The following MCM10 variants were observed in gnomAD, a reference collection of about 807,000 sequenced individuals.
MCM10 encodes the protein minichromosome maintenance 10 replication initiation factor, also known as protein MCM10 homolog.
A neutral mutation model predicts 109.9 loss-of-function variants in MCM10; 91 were observed. The ratio of observed to expected loss-of-function variants is 0.83; its 90% CI spans 0.70 to 0.99. The LOEUF (loss-of-function observed/expected upper bound fraction) is 0.99. Ranked by LOEUF, MCM10 falls within the 50% of genes least tolerant of loss-of-function variation. MCM10 has a pLI of 0.00. For synonymous variants in MCM10, 380 were observed against 387.2 expected (o/e 0.98, Z 0.22); for missense variants, 1,077 against 1,061.2 (o/e 1.01, Z -0.21).
At chr10:13,177,019 T>C (rs745617964) in intron 6 of MCM10, among the ~76,000 whole-genome samples, 10 of 152,210 alleles carry the variant, frequency 6.6e-5, no homozygotes, top group Non-Finnish European at 8.8e-5. Context: ...TGGTTCTCAT[T>C]GAGGGGGCTG....
In MCM10 at chr10:13,210,947, C is replaced by T. The variant is rs552356184; in HGVS notation, c.*1637C>T. 3 of 152,214 alleles carry T rather than the reference C, an allele frequency of 2.0e-5. No individual in the cohort carries two copies. The South Asian group carries it at 6.2e-4, about 32-fold the overall frequency. The allele number at this position is 152,214 out of a possible 1,614,324, so 9.4% of individuals were successfully genotyped here. On this transcript the variant is annotated 3_prime_UTR_variant, in exon 20 of 20. Coordinates refer to ENST00000378714, the MANE Select transcript of MCM10 (RefSeq NM_018518.5). Reference sequence around the variant, plus strand: ...AGCAATCCCTTTCTTATGGGAAAAACAATGTTCTTGTTTGAACAGAGGGTA... The same window carrying T: ...AGCAATCCCTTTCTTATGGGAAAAATAATGTTCTTGTTTGAACAGAGGGTA...
intron 1 of MCM10, among the ~76,000 whole-genome samples, chr10:13,162,194 G>A (rs1194053518): frequency 2.6e-5 from 4 of 152,304 alleles, no homozygotes; most frequent in East Asian, 1.9e-4. Context: ...GAAGCGGGCT[G>A]GCCCGGCTGG....
Position 13,183,111 on chromosome 10 carries a change from G to C in MCM10, c.1098+11G>C. ...GATGGTTCAGAGGAGGTAAGAGCCT[G>C]TTTCTGGGATTTGATTGATGATTGT... On this transcript the variant is annotated intron_variant, in intron 8 of 19. Coordinates refer to ENST00000378714, the MANE Select transcript of MCM10 (RefSeq NM_018518.5). 1 of 1,603,488 alleles carries C rather than the reference G, an allele frequency of 6.2e-7. No individual in the cohort carries two copies. Among genetic ancestry groups the C allele is most frequent in the East Asian group, 2.2e-5 (1 of 44,776 alleles).
Position 13,172,311 on chromosome 10 carries a change from C to T in MCM10, c.350-65C>T. On this transcript the variant is annotated intron_variant, in intron 3 of 19. Transcript: ENST00000378714. The surrounding 1 kb of genome is among the most constrained non-coding windows in gnomAD (Gnocchi z 5.2). ...GAGTGGACAACAAAAATATTGCCCG[C>T]ATTTTTGTCATGTAGAACGTTTTCT... 2 of 1,238,398 alleles carry T rather than the reference C, an allele frequency of 1.6e-6. No individual in the cohort carries two copies. The highest frequency in any genetic ancestry group is 2.5e-5 in the South Asian group (2 of 79,650). 76.7% of individuals were successfully genotyped at this position (1,238,398 alleles called of 1,614,324 possible).
chr10:13,161,789 CG>C (rs1411034749), intron 1 of MCM10, among the ~76,000 whole-genome samples, 183 bp downstream of exon 1: 2 of 152,290 alleles, frequency 1.3e-5, no homozygotes, highest in East Asian at 3.9e-4. Flanking sequence ...ATGGCCGGGC[CG>C]GGGGCTGGGA....
chr10:13,181,055 A>G (rs1834203439), intron 7 of MCM10, among the ~76,000 whole-genome samples: 1 of 152,230 alleles, frequency 6.6e-6, no homozygotes, highest in South Asian at 2.1e-4. Context: ...GATGGTTATT[A>G]CCAAAGATCT....
intron 6 of MCM10, among the ~76,000 whole-genome samples, chr10:13,179,980 G>A (rs371151728): frequency 9.9e-5 from 15 of 152,128 alleles, no homozygotes; most frequent in African/African-American, 3.4e-4. Context: ...GAGGCCAGGC[G>A]CAGTGGTTCA....
chr10:13,208,010 G>A (rs542498859), intron 18 of MCM10, among the ~76,000 whole-genome samples: 2 of 149,956 alleles, frequency 1.3e-5, no homozygotes, highest in South Asian at 2.1e-4. Flanking sequence ...TTTTCCCAGA[G>A]TAAACTTCAT....
chr10:13,178,285 C>T (rs533998762), intron 6 of MCM10, among the ~76,000 whole-genome samples: 3 of 152,286 alleles, frequency 2.0e-5, no homozygotes, highest in Admixed American at 6.5e-5. Flanking sequence ...TAGTAGAAAC[C>T]GCCATGCTGG....
At position 13,169,098 on chromosome 10, in the gene MCM10, C is replaced by T. The variant is rs73577667; in HGVS notation, c.8-1824C>T. 7.9e-3 allele frequency among the ~76,000 whole-genome samples: 1,201 copies of T among 152,264 alleles called. 22 individuals carry two copies. Among genetic ancestry groups the T allele is most frequent in the African/African-American group, 0.028 (1,157 of 41,546 alleles). ...TACAGTAAAGAAACAGACAATATGG[C>T]GCTGGCCAGGTAGAGAACCACCTGC... On this transcript the variant is annotated intron_variant, in intron 2 of 19. Coordinates refer to ENST00000378714, the MANE Select transcript of MCM10 (RefSeq NM_018518.5).
chr10:13,169,940 A>G (rs1834048831), intron 2 of MCM10, among the ~76,000 whole-genome samples: 1 of 152,160 alleles, frequency 6.6e-6, no homozygotes, highest in African/African-American at 2.4e-5. Context: ...TCCTGATGTC[A>G]GGTGATCCTC....
chr10:13,196,450 T>C (rs1834422897), intron 14 of MCM10, among the ~76,000 whole-genome samples: 1 of 152,208 alleles, frequency 6.6e-6, no homozygotes, highest in African/African-American at 2.4e-5. Context: ...CCATGGCACA[T>C]GTCCATATTA....
At position 13,210,788 on chromosome 10, in the gene MCM10, A is replaced by C. The variant is rs1328320067; in HGVS notation, c.*1478A>C. The C allele has an allele frequency of 2.6e-5, 4 of 152,208 alleles. No homozygotes were observed. Among genetic ancestry groups the C allele is most frequent in the Admixed American group, 1.3e-4 (2 of 15,280 alleles). The allele number at this position is 152,208 out of a possible 1,614,324, so 9.4% of individuals were successfully genotyped here. On this transcript the variant is annotated 3_prime_UTR_variant, in exon 20 of 20. Transcript: ENST00000378714. ...AAAGAAAAGAATAAAGTATTTATTA[A>C]TAAGAACCAGAAAGCACTTGAAACT...
rs754237837 is a variant in MCM10, at chr10:13,175,660, C to G, written c.743C>G (p.Ala248Gly). ...GETTQPICVE[A>G]FSGLRLRRPR... ...ACGACTCAACCCATCTGTGTGGAAG[C>G]CTTCTCTGGTCTGCGGCTCAGGTCA... is the stretch of plus-strand genomic sequence containing the variant. The change falls in exon 6 of 20, where the codon GCC becomes GGC. Residue 248 changes from alanine to glycine, a missense_variant. Ala to Gly is a moderately conservative substitution (Grantham distance 60, BLOSUM62 0). Transcript: ENST00000378714. The G allele has an allele frequency of 3.7e-6, 6 of 1,608,964 alleles. No individual in the cohort carries two copies. Among genetic ancestry groups the G allele is most frequent in the Middle Eastern group, 1.7e-4 (1 of 6,054 alleles).
At chr10:13,162,437 G>C (rs191403909) in intron 1 of MCM10, among the ~76,000 whole-genome samples, 1 of 152,172 alleles carries the variant, frequency 6.6e-6, no homozygotes, top group South Asian at 2.1e-4. Context: ...CGTGGCTGTC[G>C]TATGCAGAAC....
intron 16 of MCM10, 38 bp downstream of exon 16, chr10:13,198,845 G>A (rs1269449881): frequency 6.6e-6 from 9 of 1,357,524 alleles, no homozygotes; most frequent in African/African-American, 2.9e-5. Flanking sequence ...GTTGATGTCC[G>A]ATGTCCTTCA....
chr10:13,210,577 G>A lies in MCM10; in HGVS notation c.*1267G>A, dbSNP rs1237491357. The A allele has an allele frequency of 6.6e-6, 1 of 152,148 alleles. No individual in the cohort carries two copies. The highest frequency in any genetic ancestry group is 1.5e-5 in the Non-Finnish European group (1 of 68,030). 9.4% of individuals were successfully genotyped at this position (152,148 alleles called of 1,614,324 possible). On this transcript the variant is annotated 3_prime_UTR_variant, in exon 20 of 20. Coordinates refer to ENST00000378714, the MANE Select transcript of MCM10 (RefSeq NM_018518.5). ...TGGGAGGTTGTTGTGGGAGATGGTT[G>A]ATTTAGGTTTTCAAAAGCTAGAAAT...
In MCM10 at chr10:13,182,203, G is replaced by A. The variant is rs1332827389; in HGVS notation, c.931-730G>A. The stretch of plus-strand genomic sequence containing the variant: ...TAATAATAGACTTAGGCTAGGCTTG[G>A]TGGCTCACGTCTGTAACCCTAACGC... On this transcript the variant is annotated intron_variant, in intron 7 of 19. Coordinates refer to ENST00000378714, the MANE Select transcript of MCM10 (RefSeq NM_018518.5). The surrounding 1 kb of genome is among the most constrained non-coding windows in gnomAD (Gnocchi z 4.2). Among the ~76,000 whole-genome samples, 1 of 152,116 alleles carries A rather than the reference G, an allele frequency of 6.6e-6. No individual in the cohort carries two copies. The highest frequency in any genetic ancestry group is 1.5e-5 in the Non-Finnish European group (1 of 68,030).
intron 10 of MCM10, among the ~76,000 whole-genome samples, chr10:13,189,782 T>C (rs898862921): frequency 3.3e-5 from 5 of 152,188 alleles, no homozygotes; most frequent in African/African-American, 1.2e-4. Flanking sequence ...GAATATACTA[T>C]GAAGCTTCAC....
Sources: gnomAD v4.1 joint callset for allele counts (sites outside exome capture counted in the v4.1 genomes callset) on GRCh38, gnomAD v4.1.1 for gene constraint, Gnocchi (gnomAD v3.1) non-coding constraint, MANE v1.5 for transcripts, NCBI Gene and HGNC (gene_info 2026-07-23, HGNC 2026-07-21) for gene names.